CEP126: variants seen among roughly 807,000 people sequenced by gnomAD.
CEP126 encodes centrosomal protein 126.
CEP126 carries 74 observed loss-of-function variants against 107.8 expected under a neutral mutation model. The observed-to-expected ratio is 0.69, with a 90% CI of 0.57 to 0.83. CEP126 has a LOEUF of 0.83. CEP126 is among the 40% of genes least tolerant of loss of function. The pLI, the probability that CEP126 is intolerant of heterozygous loss-of-function variation, is 0.00. For missense variants in CEP126, 1,237 were observed against 1,281.9 expected, an observed-to-expected ratio of 0.96 and a Z score of 0.53; for synonymous variants, 449 against 446.0, an observed-to-expected ratio of 1.01 and a Z score of -0.08.
chr11:101,942,347 A>G (rs1940676904), intron 2 of CEP126, among the ~76,000 whole-genome samples: 1 of 152,044 alleles, frequency 6.6e-6, no homozygotes, highest in Admixed American at 6.6e-5. Context: ...CAGTATCCAG[A>G]TATCCAACAC....
chr11:101,985,889 A>G (rs939413361), intron 8 of CEP126, among the ~76,000 whole-genome samples: 4 of 150,820 alleles, frequency 2.7e-5, no homozygotes, highest in African/African-American at 9.8e-5. Context: ...CATTTGTTTC[A>G]TTTTCTTCTG....
intron 6 of CEP126, among the ~76,000 whole-genome samples, chr11:101,974,268 T>C (rs920265574): frequency 6.6e-6 from 1 of 152,184 alleles, no homozygotes; most frequent in Non-Finnish European, 1.5e-5. Flanking sequence ...TGTCATTTTA[T>C]AATATATATT....
chr11:101,957,949 G>A (rs529660663), intron 4 of CEP126, among the ~76,000 whole-genome samples: 4 of 152,236 alleles, frequency 2.6e-5, no homozygotes, highest in African/African-American at 9.6e-5. Context: ...ATATGAAGGT[G>A]GAGTTCTTTA....
At chr11:101,994,549 G>A (rs551974644) in intron 10 of CEP126, among the ~76,000 whole-genome samples, 143 of 152,158 alleles carry the variant, frequency 9.4e-4, no homozygotes, top group African/African-American at 3.3e-3. Flanking sequence ...TTTTGTGTAT[G>A]GTATAAGGAA....
intron 3 of CEP126, among the ~76,000 whole-genome samples, chr11:101,946,897 G>A: frequency 6.6e-6 from 1 of 152,078 alleles, no homozygotes; most frequent in East Asian, 1.9e-4. Context: ...GGAGAACAGT[G>A]CCTCTATAAA....
At chr11:101,964,802 C>T (rs1282175375) in intron 6 of CEP126, among the ~76,000 whole-genome samples, 1 of 152,162 alleles carries the variant, frequency 6.6e-6, no homozygotes, top group Non-Finnish European at 1.5e-5. Flanking sequence ...GGATCTGATT[C>T]TTGTCCCATA....
At chr11:101,977,882 C>A (rs1269339729) in intron 6 of CEP126, among the ~76,000 whole-genome samples, 2 of 152,132 alleles carry the variant, frequency 1.3e-5, no homozygotes, top group African/African-American at 4.8e-5. Context: ...CACTGTCAAC[C>A]TCTCACGCTT....
intron 2 of CEP126, among the ~76,000 whole-genome samples, chr11:101,927,802 C>T (rs1355209158): frequency 6.6e-6 from 1 of 152,124 alleles, no homozygotes; most frequent in African/African-American, 2.4e-5. Context: ...AGAGTTTGAC[C>T]ATTCACCCAT....
At chr11:101,971,926 T>C (rs1941134040) in intron 6 of CEP126, among the ~76,000 whole-genome samples, 1 of 151,838 alleles carries the variant, frequency 6.6e-6, no homozygotes, top group Non-Finnish European at 1.5e-5. Context: ...CTGGCCAACA[T>C]GGTGAAACCC....
intron 9 of CEP126, among the ~76,000 whole-genome samples, chr11:101,989,451 C>T (rs1468236119): frequency 1.3e-5 from 2 of 152,014 alleles, no homozygotes; most frequent in Non-Finnish European, 2.9e-5. Context: ...AAATATCCCC[C>T]GGGTGGCAAA....
intron 2 of CEP126, among the ~76,000 whole-genome samples, chr11:101,940,566 A>T (rs1007508092): frequency 6.6e-6 from 1 of 152,182 alleles, no homozygotes; most frequent in Non-Finnish European, 1.5e-5. Context: ...TCTCCCTTGG[A>T]AGTTTCATGC....
intron 2 of CEP126, among the ~76,000 whole-genome samples, chr11:101,938,215 T>A (rs1940618567): frequency 6.6e-6 from 1 of 150,682 alleles, no homozygotes; most frequent in Non-Finnish European, 1.5e-5. Flanking sequence ...TTGTTGAATT[T>A]ATTAGCATAA....
chr11:101,938,657 G>A (rs968420559), intron 2 of CEP126, among the ~76,000 whole-genome samples: 1 of 151,256 alleles, frequency 6.6e-6, no homozygotes, highest in African/African-American at 2.4e-5. Context: ...GACCATCCTG[G>A]GCAACAAATC....
At chr11:101,993,833 C>G (rs928367174) in intron 10 of CEP126, among the ~76,000 whole-genome samples, 4 of 152,092 alleles carry the variant, frequency 2.6e-5, no homozygotes, top group Non-Finnish European at 5.9e-5. Flanking sequence ...TCATATGCTT[C>G]TTGGTCACAT....
chr11:101,939,323 A>G (rs1345145463), intron 2 of CEP126, among the ~76,000 whole-genome samples: 1 of 152,176 alleles, frequency 6.6e-6, no homozygotes, highest in African/African-American at 2.4e-5. Flanking sequence ...TCATTATGAA[A>G]TGTTGTCTTT....
At chr11:101,969,336 T>A (rs1181641572) in intron 6 of CEP126, among the ~76,000 whole-genome samples, 2 of 152,200 alleles carry the variant, frequency 1.3e-5, no homozygotes, top group Non-Finnish European at 2.9e-5. Context: ...TGATACTTTT[T>A]AAATAACATT....
intron 1 of CEP126, among the ~76,000 whole-genome samples, chr11:101,920,430 C>T (rs1940305194): frequency 6.6e-6 from 1 of 151,994 alleles, no homozygotes; most frequent in African/African-American, 2.4e-5. Context: ...TGATTAAATG[C>T]AGCCTTTAAA....
chr11:101,969,258 C>A (rs776185434), intron 6 of CEP126, among the ~76,000 whole-genome samples: 7 of 152,088 alleles, frequency 4.6e-5, no homozygotes, highest in Non-Finnish European at 8.8e-5. Context: ...CGAGCTCAAG[C>A]GATCTGCCTG....
In CEP126 at chr11:101,999,141, CT is replaced by C. The variant is rs1206437267; in HGVS notation, c.*1499del. 1 of 151,896 alleles carries C rather than the reference CT, an allele frequency of 6.6e-6. No homozygotes were observed. Among genetic ancestry groups the C allele is most frequent in the Non-Finnish European group, 1.5e-5 (1 of 67,986 alleles). 9.4% of individuals were successfully genotyped at this position (151,896 alleles called of 1,614,324 possible). A position where few individuals can be genotyped will look rare whatever the true frequency, so the allele number is the denominator to read the frequency against. ...CATTTAAATAGAAAGTTGTGTGCCC[CT>C]ATAGAAAATATTTGAGAATTTCTTA... On this transcript the variant is annotated 3_prime_UTR_variant, in exon 11 of 11. Transcript: ENST00000263468.
Sources: gnomAD v4.1 joint callset for allele counts (sites outside exome capture counted in the v4.1 genomes callset) on GRCh38, gnomAD v4.1.1 for gene constraint, MANE v1.5 for transcripts, NCBI Gene and HGNC (gene_info 2026-07-23, HGNC 2026-07-21) for gene names.